The following SLC44A1 variants were observed in gnomAD, a reference collection of about 807,000 sequenced individuals.
SLC44A1 encodes the protein solute carrier family 44 member 1.
A neutral mutation model predicts 79.3 loss-of-function variants in SLC44A1; 26 were observed. That is an observed-to-expected ratio of 0.33 (90% CI 0.24 to 0.46). The LOEUF (loss-of-function observed/expected upper bound fraction) is 0.46. Ranked by LOEUF, SLC44A1 falls within the 20% of genes least tolerant of loss-of-function variation. The pLI, the probability that SLC44A1 is intolerant of heterozygous loss-of-function variation, is 1.00. For synonymous variants in SLC44A1, 263 were observed against 286.2 expected (o/e 0.92, Z 0.82); for missense variants, 688 against 798.1 (o/e 0.86, Z 1.66).
chr9:105,259,621 AT>A (rs1252667550), intron 1 of SLC44A1, among the ~76,000 whole-genome samples: 1 of 152,198 alleles, frequency 6.6e-6, no homozygotes, highest in Non-Finnish European at 1.5e-5. Context: ...TTCCAAATCT[AT>A]TTTGCATGTG....
At chr9:105,289,893 C>T (rs1227863273) in intron 1 of SLC44A1, among the ~76,000 whole-genome samples, 1 of 151,610 alleles carries the variant, frequency 6.6e-6, no homozygotes, top group Non-Finnish European at 1.5e-5. Flanking sequence ...AACTCACTGC[C>T]ACCTCTGCCT....
At chr9:105,381,720 T>C (rs570284856) in intron 13 of SLC44A1, among the ~76,000 whole-genome samples, 1 of 152,230 alleles carries the variant, frequency 6.6e-6, no homozygotes, top group South Asian at 2.1e-4. Flanking sequence ...ACAAAAATGG[T>C]GGGGAGTCTT....
intron 15 of SLC44A1, among the ~76,000 whole-genome samples, chr9:105,420,425 G>A (rs1452736501): frequency 1.3e-5 from 2 of 152,172 alleles, no homozygotes; most frequent in Middle Eastern, 3.2e-3. Flanking sequence ...TGTGCATGGT[G>A]AGGTAAAAGG....
intron 1 of SLC44A1, among the ~76,000 whole-genome samples, chr9:105,289,313 A>G (rs1588738918): frequency 1.3e-5 from 2 of 152,188 alleles, no homozygotes; most frequent in South Asian, 2.1e-4. Context: ...TATATATGCA[A>G]CCATTTAGGG....
chr9:105,292,889 G>A (rs1482862784), intron 1 of SLC44A1, among the ~76,000 whole-genome samples: 1 of 152,156 alleles, frequency 6.6e-6, no homozygotes, highest in Non-Finnish European at 1.5e-5. Flanking sequence ...AATATTTTCT[G>A]AAGCTGGGTC....
At chr9:105,319,772 G>A (rs913380303) in intron 3 of SLC44A1, among the ~76,000 whole-genome samples, 4 of 152,088 alleles carry the variant, frequency 2.6e-5, no homozygotes, top group African/African-American at 9.7e-5. Flanking sequence ...TTCTGAGTAA[G>A]GTTAAATTCT....
intron 1 of SLC44A1, among the ~76,000 whole-genome samples, chr9:105,248,950 T>G (rs1829518048): frequency 6.6e-6 from 1 of 152,226 alleles, no homozygotes; most frequent in African/African-American, 2.4e-5. Context: ...ACAGCAGTGC[T>G]TTAGAGGCCA....
rs1828688022 is a variant in SLC44A1, at chr9:105,388,602, T to C, written c.1951-431T>C. ...AACATGAGAACTTCCGGTTTTGTTCTTGAACTTTTCCCTGAGAGAGGCTCG... is the reference window on the plus strand; with the variant it reads ...AACATGAGAACTTCCGGTTTTGTTCCTGAACTTTTCCCTGAGAGAGGCTCG... On this transcript the variant is annotated intron_variant, in intron 15 of 15. Coordinates refer to ENST00000374720, the MANE Select transcript of SLC44A1 (RefSeq NM_080546.5). 2.0e-5 allele frequency among the ~76,000 whole-genome samples: 3 copies of C among 152,242 alleles called. No individual in the cohort carries two copies. The South Asian group carries it at 6.2e-4, about 32-fold the overall frequency.
At chr9:105,319,056 C>G (rs1378600812) in intron 3 of SLC44A1, among the ~76,000 whole-genome samples, 9 of 152,116 alleles carry the variant, frequency 5.9e-5, no homozygotes, top group Non-Finnish European at 1.0e-4. Flanking sequence ...TAATTATTAA[C>G]TGCTTCAACT....
chr9:105,324,298 G>T (rs1826501381), intron 3 of SLC44A1, among the ~76,000 whole-genome samples: 1 of 147,332 alleles, frequency 6.8e-6, no homozygotes, highest in African/African-American at 2.5e-5. Context: ...TGGTCTAGGT[G>T]GGAGTGCAGT....
At position 105,375,072 on chromosome 9, in the gene SLC44A1, G is replaced by A. The variant is rs143279805; in HGVS notation, c.1632+337G>A. ...TTGTTTGTTTTTGAAACGGAGTTTC[G>A]CTCTTGTCGCCCAGGCTGGAATACA... On this transcript the variant is annotated intron_variant, in intron 13 of 15. Transcript: ENST00000374720. 8.5e-3 allele frequency among the ~76,000 whole-genome samples: 1,298 copies of A among 152,208 alleles called. 15 individuals carry two copies. The highest frequency in any genetic ancestry group is 0.029 in the African/African-American group (1,218 of 41,534).
chr9:105,297,925 A>G (rs1475345185), intron 1 of SLC44A1, among the ~76,000 whole-genome samples: 1 of 152,154 alleles, frequency 6.6e-6, no homozygotes, highest in Admixed American at 6.5e-5. Flanking sequence ...GAACCTTCTC[A>G]GAGGAACCTT....
rs778038263 is a variant in SLC44A1, at chr9:105,374,658, T to C, written c.1555T>C (p.Phe519Leu). ...TNFCTSAKDA[F>L]VILVENALRV... ...CTTCTGCACCTCAGCAAAGGATGCC[T>C]TTGTCATTCTGGTGGAGAATGCTTT... Residue 519 changes from phenylalanine to leucine, a missense_variant, in exon 13 of 16, where the codon TTT becomes CTT. Physicochemically the swap from Phe to Leu is conservative, Grantham distance 22. Coordinates refer to ENST00000374720, the MANE Select transcript of SLC44A1 (RefSeq NM_080546.5). 2 of 1,613,876 alleles carry C rather than the reference T, an allele frequency of 1.2e-6. No individual in the cohort carries two copies. Among genetic ancestry groups the C allele is most frequent in the East Asian group, 4.5e-5 (2 of 44,880 alleles).
At chr9:105,348,651 T>C (rs897007546) in intron 5 of SLC44A1, among the ~76,000 whole-genome samples, 200 bp downstream of exon 5, 1 of 152,132 alleles carries the variant, frequency 6.6e-6, no homozygotes, top group Non-Finnish European at 1.5e-5. Flanking sequence ...AACCAACTTT[T>C]CTTGTTCTGA....
At chr9:105,387,887 C>T (rs2131475836) in intron 15 of SLC44A1, among the ~76,000 whole-genome samples, 1 of 152,262 alleles carries the variant, frequency 6.6e-6, no homozygotes. Flanking sequence ...GGCATTCTAC[C>T]AGATGCCAAA....
At chr9:105,351,288 C>T (rs544386744) in intron 5 of SLC44A1, among the ~76,000 whole-genome samples, 209 of 152,266 alleles carry the variant, frequency 1.4e-3, no homozygotes, top group African/African-American at 4.8e-3. Context: ...AATCCCAGCA[C>T]TTTGGGAGGC....
intron 13 of SLC44A1, among the ~76,000 whole-genome samples, chr9:105,375,455 G>A (rs1391132030): frequency 6.6e-6 from 1 of 152,190 alleles, no homozygotes; most frequent in Non-Finnish European, 1.5e-5. Context: ...ACTGATAGTT[G>A]TGTGACCTGG....
At chr9:105,265,887 G>C (rs1258485118) in intron 1 of SLC44A1, among the ~76,000 whole-genome samples, 1 of 152,018 alleles carries the variant, frequency 6.6e-6, no homozygotes, top group African/African-American at 2.4e-5. Flanking sequence ...ATCTTTTCAT[G>C]TACTTATTTA....
rs145894323 is a variant in SLC44A1, at chr9:105,331,333, C to G, written c.270-4230C>G. ...GTATGTGCTGCATCTCTTTCCTGAT[C>G]CTTGCCCTGTTGGGAGTGAAAGTAG... On this transcript the variant is annotated intron_variant, in intron 3 of 15. Coordinates refer to ENST00000374720, the MANE Select transcript of SLC44A1 (RefSeq NM_080546.5). 5.8e-3 allele frequency among the ~76,000 whole-genome samples: 879 copies of G among 152,306 alleles called. 25 individuals carry two copies. The highest frequency in any genetic ancestry group is 0.054 in the Admixed American group (825 of 15,300).
Sources: gnomAD v4.1 joint callset for allele counts (sites outside exome capture counted in the v4.1 genomes callset) on GRCh38, gnomAD v4.1.1 for gene constraint, MANE v1.5 for transcripts, NCBI Gene and HGNC (gene_info 2026-07-23, HGNC 2026-07-21) for gene names.